The following PVALEF variants were observed in gnomAD, a reference collection of about 807,000 sequenced individuals.
The protein encoded by PVALEF is parvalbumin-like EF-hand-containing protein.
PVALEF carries 2 observed loss-of-function variants against 1.2 expected under a neutral mutation model. The ratio of observed to expected loss-of-function variants is 1.68; its 90% CI spans 0.69 to 5.28. The LOEUF is 5.28. Among genes scored for constraint, PVALEF ranks in the 30% most tolerant of loss-of-function variants. The pLI is 0.06. For synonymous variants in PVALEF, 16 were observed against 6.5 expected, an observed-to-expected ratio of 2.47 and a Z score of -2.24; for missense variants, 35 against 17.7, an observed-to-expected ratio of 1.97 and a Z score of -1.75.
At chr17:81,170,352 CGT>C (rs1418160919) in intron 2 of PVALEF, among the ~76,000 whole-genome samples, 2 of 150,346 alleles carry the variant, frequency 1.3e-5, no homozygotes, top group Admixed American at 6.6e-5. Context: ...TGTGTAGGTG[CGT>C]GTGTGTCTGT....
In PVALEF at chr17:81,165,624, CTG is replaced by C; in HGVS notation, c.-630_-629del. 1 of 1,451,724 alleles carries C rather than the reference CTG, an allele frequency of 6.9e-7. No homozygotes were observed. Among genetic ancestry groups the C allele is most frequent in the Non-Finnish European group, 9.1e-7 (1 of 1,093,166 alleles). 89.9% of individuals were successfully genotyped at this position (1,451,724 alleles called of 1,614,324 possible). A position where few individuals can be genotyped will look rare whatever the true frequency, so the allele number is the denominator to read the frequency against. On this transcript the variant is annotated 5_prime_UTR_variant, in exon 1 of 7. It introduces an in-frame stop codon into an upstream open reading frame of the 5' UTR. Transcript: ENST00000637878. ...CCCCACACCCCCAAGGGCCCTTAGT[CTG>C]AGACCAACTCTCCTGGACACCAGGG...
At chr17:81,178,313 C>A (rs1326463338) in intron 2 of PVALEF, among the ~76,000 whole-genome samples, 1 of 152,166 alleles carries the variant, frequency 6.6e-6, no homozygotes, top group East Asian at 1.9e-4. Context: ...CCCCGGCAGA[C>A]AGCCCCATCC....
chr17:81,176,345 C>A (rs2061535532), intron 2 of PVALEF, among the ~76,000 whole-genome samples: 1 of 151,904 alleles, frequency 6.6e-6, no homozygotes, highest in Admixed American at 6.6e-5. Context: ...ATGGTGAAAC[C>A]CCGTCTCCAC....
At chr17:81,180,128 G>C (rs1303603528) in intron 3 of PVALEF, among the ~76,000 whole-genome samples, 2 of 152,186 alleles carry the variant, frequency 1.3e-5, no homozygotes, top group Admixed American at 1.3e-4. Context: ...CGGATCTCGG[G>C]CTCCCCTGCC....
Position 81,165,632 on chromosome 17 carries a change from A to T in PVALEF, c.-623A>T, listed in dbSNP as rs769512849. 3.2e-5 allele frequency: 47 copies of T among 1,464,016 alleles called. No homozygotes were observed. The highest frequency in any genetic ancestry group is 4.2e-5 in the Non-Finnish European group (46 of 1,101,076). The allele number at this position is 1,464,016 out of a possible 1,614,324, so 90.7% of individuals were successfully genotyped here. A position where few individuals can be genotyped will look rare whatever the true frequency, so the allele number is the denominator to read the frequency against. ...CCCCAAGGGCCCTTAGTCTGAGACC[A>T]ACTCTCCTGGACACCAGGGGCCCAC... On this transcript the variant is annotated 5_prime_UTR_variant, in exon 1 of 7. Transcript: ENST00000637878.
At chr17:81,166,511 G>GC (rs1488815268) in intron 1 of PVALEF, among the ~76,000 whole-genome samples, 166 bp from the exon 2 acceptor site, 1 of 103,704 alleles carries the variant, frequency 9.6e-6, no homozygotes, top group Non-Finnish European at 2.2e-5. Context: ...GGCGGGGGGG[G>GC]GGGAAACGGA....
intron 2 of PVALEF, among the ~76,000 whole-genome samples, chr17:81,167,754 C>T (rs567829177): frequency 3.5e-4 from 53 of 152,346 alleles, no homozygotes; most frequent in Non-Finnish European, 4.6e-4. Flanking sequence ...TTCTTCCTGG[C>T]CCTGATCATG....
In PVALEF at chr17:81,166,768, G is replaced by T. The variant is rs2061496628; in HGVS notation, c.-416G>T. 2.2e-6 allele frequency: 1 copy of T among 456,614 alleles called. No individual in the cohort carries two copies. Among genetic ancestry groups the T allele is most frequent in the African/African-American group, 2.0e-5 (1 of 50,052 alleles). The allele number at this position is 456,614 out of a possible 1,614,324, so 28.3% of individuals were successfully genotyped here. Reference sequence around the variant, plus strand: ...TGGGGGTGGCTGGCTTTGCACACAGGCCTGCTCCTGTACCGTGCTGCGACA... The same window carrying T: ...TGGGGGTGGCTGGCTTTGCACACAGTCCTGCTCCTGTACCGTGCTGCGACA... On this transcript the variant is annotated 5_prime_UTR_variant, in exon 2 of 7. Transcript: ENST00000637878.
intron 2 of PVALEF, among the ~76,000 whole-genome samples, chr17:81,175,015 T>C (rs2061532395): frequency 6.6e-6 from 1 of 151,544 alleles, no homozygotes; most frequent in South Asian, 2.1e-4. Context: ...ATCTTAAATA[T>C]GCCACAAAAA....
intron 6 of PVALEF, among the ~76,000 whole-genome samples, 169 bp from the exon 7 acceptor site, chr17:81,182,796 C>T (rs907538084): frequency 9.2e-5 from 14 of 152,254 alleles, no homozygotes; most frequent in African/African-American, 3.1e-4. Context: ...GGGCCGCCCC[C>T]GGCCAGATGG....
intron 6 of PVALEF, among the ~76,000 whole-genome samples, chr17:81,182,368 C>T (rs2061557677): frequency 6.6e-6 from 1 of 152,210 alleles, no homozygotes; most frequent in African/African-American, 2.4e-5. Flanking sequence ...CTTTGAGGCT[C>T]TCCATGGCTG....
intron 2 of PVALEF, among the ~76,000 whole-genome samples, chr17:81,170,142 A>G (rs912005585): frequency 7.4e-6 from 1 of 134,972 alleles, no homozygotes; most frequent in Non-Finnish European, 1.6e-5. Flanking sequence ...GTTGGTGTGG[A>G]TGTGTGTGCA....
At chr17:81,174,146 T>C (rs1446876872) in intron 2 of PVALEF, among the ~76,000 whole-genome samples, 1 of 152,028 alleles carries the variant, frequency 6.6e-6, no homozygotes, top group Admixed American at 6.6e-5. Context: ...ACCTCAACCA[T>C]CCATGGTGAT....
At position 81,181,624 on chromosome 17, in the gene PVALEF, G is replaced by A. The variant is rs1251674836; in HGVS notation, c.172G>A (p.Asp58Asn). 2.6e-5 allele frequency: 11 copies of A among 419,184 alleles called. No homozygotes were observed. The highest frequency in any genetic ancestry group is 5.9e-4 in the Middle Eastern group (1 of 1,702). The allele number at this position is 419,184 out of a possible 1,614,324, so 26.0% of individuals were successfully genotyped here. A position where few individuals can be genotyped will look rare whatever the true frequency, so the allele number is the denominator to read the frequency against. ...GCTCCACGCCTCGGGCCAGCTGGAC[G>A]ACGCCATCCACACGGCCTTCCAGTC... ...RKLHASGQLDDAIHTAFQSLD... is the reference protein window; with the variant it reads ...RKLHASGQLDNAIHTAFQSLD... Residue 58 changes from aspartate (D) to asparagine (N), a missense_variant, in exon 5 of 7, where the codon GAC (aspartate) becomes AAC (asparagine). Transcript: ENST00000637878.
intron 2 of PVALEF, among the ~76,000 whole-genome samples, chr17:81,176,866 C>A (rs1363459209): frequency 6.6e-6 from 1 of 151,862 alleles, no homozygotes; most frequent in Non-Finnish European, 1.5e-5. Context: ...AATCCAGGAT[C>A]CATGAACAGG....
At chr17:81,165,832 G>C in intron 1 of PVALEF, 85 bp downstream of exon 1, 1 of 1,515,112 alleles carries the variant, frequency 6.6e-7, no homozygotes, top group Non-Finnish European at 8.9e-7. Context: ...GCTCGGGGCG[G>C]GGAAAGGGTT....
chr17:81,165,873 C>T, intron 1 of PVALEF, 126 bp downstream of exon 1: 2 of 1,545,642 alleles, frequency 1.3e-6, no homozygotes, highest in Non-Finnish European at 1.7e-6. Context: ...GCCGTGGGGC[C>T]CAGGGGCATC....
chr17:81,176,982 G>A (rs1263401784), intron 2 of PVALEF, among the ~76,000 whole-genome samples: 18 of 146,962 alleles, frequency 1.2e-4, no homozygotes, highest in South Asian at 8.6e-4. Context: ...GCTGGAGTGC[G>A]GTGGCGCGAT....
intron 2 of PVALEF, among the ~76,000 whole-genome samples, chr17:81,171,364 G>GA (rs2061519748): frequency 6.6e-6 from 1 of 152,208 alleles, no homozygotes; most frequent in African/African-American, 2.4e-5. Context: ...TCCCACGCCA[G>GA]GCTCCCCAGG....
Sources: allele counts gnomAD v4.1 joint callset (sites outside exome capture counted in the v4.1 genomes callset), GRCh38; gene constraint gnomAD v4.1.1; transcripts MANE v1.5; gene names NCBI Gene and HGNC (gene_info 2026-07-23, HGNC 2026-07-21).